Variants in KIF13B observed in about 807,000 individuals in gnomAD.
KIF13B encodes kinesin family member 13B, also known as kinesin-like protein KIF13B.
KIF13B carries 127 observed loss-of-function variants against 222.0 expected under a neutral mutation model. That is an observed-to-expected ratio of 0.57 (90% CI 0.50 to 0.66). KIF13B has a LOEUF of 0.66. KIF13B is among the 30% of genes least tolerant of loss of function. The probability of loss-of-function intolerance (pLI) is 0.00; values close to 1 mark genes in which losing one functional copy is unlikely to be tolerated. For synonymous variants in KIF13B, 976 were observed against 919.0 expected (o/e 1.06, Z -1.12); for missense variants, 2,173 against 2,379.0 (o/e 0.91, Z 1.80).
chr8:29,120,446 T>TG (rs545376927), intron 29 of KIF13B, among the ~76,000 whole-genome samples: 479 of 38,088 alleles, frequency 0.013, 12 homozygotes, highest in African/African-American at 0.049. Context: ...TTTTTGTTCT[T>TG]GCGATAGTTT....
intron 2 of KIF13B, among the ~76,000 whole-genome samples, chr8:29,241,479 A>T (rs1411021061): frequency 6.6e-6 from 1 of 152,190 alleles, no homozygotes; most frequent in Non-Finnish European, 1.5e-5. Flanking sequence ...AACCCCTCAA[A>T]TTGGGGTCTG....
intron 10 of KIF13B, among the ~76,000 whole-genome samples, chr8:29,168,636 C>T (rs1289839589): frequency 6.6e-6 from 1 of 152,160 alleles, no homozygotes; most frequent in Admixed American, 6.5e-5. Context: ...CCCACAGGCA[C>T]GAGTTTGGAA....
chr8:29,250,013 A>G (rs1342679690), intron 1 of KIF13B: 2 of 1,288,536 alleles, frequency 1.6e-6, no homozygotes, highest in African/African-American at 1.5e-5. Context: ...CCAGAGGTCC[A>G]TGAGAGTTTC....
Position 29,158,678 on chromosome 8 carries a change from G to A in KIF13B, c.1404+2055C>T, listed in dbSNP as rs1811640723. Among the ~76,000 whole-genome samples, 2 of 152,202 alleles carry A rather than the reference G, an allele frequency of 1.3e-5. 1 individual carries two copies. The highest frequency in any genetic ancestry group is 4.1e-4 in the South Asian group (2 of 4,836). On this transcript the variant is annotated intron_variant, in intron 13 of 39. Coordinates refer to ENST00000524189, the MANE Select transcript of KIF13B (RefSeq NM_015254.4). ...TCCACCATAAAACTGTTCTTGGACT[G>A]AGATCATCCTTTTGAATGTGCTTTG...
At position 29,134,026 on chromosome 8, in the gene KIF13B, G is replaced by A; in HGVS notation, c.2784+14C>T. 2 of 1,608,446 alleles carry A rather than the reference G, an allele frequency of 1.2e-6. No individual in the cohort carries two copies. Among genetic ancestry groups the A allele is most frequent in the East Asian group, 2.2e-5 (1 of 44,812 alleles). On this transcript the variant is annotated intron_variant, in intron 22 of 39. Transcript: ENST00000524189. ...GTAATCTAAATGCTGACCTACTCTG[G>A]AAAACAAACTCACATTGCAATGATC...
chr8:29,156,845 C>T (rs1233538592), intron 13 of KIF13B, among the ~76,000 whole-genome samples: 3 of 151,934 alleles, frequency 2.0e-5, no homozygotes, highest in African/African-American at 7.3e-5. Flanking sequence ...TTTCTGCCTA[C>T]TCAGCCTACT....
At chr8:29,148,383 A>G (rs970220280) in intron 16 of KIF13B, among the ~76,000 whole-genome samples, 194 bp downstream of exon 16, 8 of 149,570 alleles carry the variant, frequency 5.3e-5, no homozygotes, top group Non-Finnish European at 1.2e-4. Flanking sequence ...AATCATAAAC[A>G]TTTTTAACAC....
Position 29,249,087 on chromosome 8 carries a change from T to C in KIF13B, c.56-3648A>G, listed in dbSNP as rs112765136. Among the ~76,000 whole-genome samples the C allele has an allele frequency of 1.7e-3, 260 of 152,332 alleles. 3 individuals are homozygous for C. The highest frequency in any genetic ancestry group is 5.9e-3 in the African/African-American group (244 of 41,582). ...TCATATTCTTATATTCTTATATTTT[T>C]CTGAACCAAAGTATGAAACTGTTTG... On this transcript the variant is annotated intron_variant, in intron 1 of 39. Coordinates refer to ENST00000524189, the MANE Select transcript of KIF13B (RefSeq NM_015254.4).
At chr8:29,238,279 C>T (rs940556841) in intron 2 of KIF13B, among the ~76,000 whole-genome samples, 1 of 152,194 alleles carries the variant, frequency 6.6e-6, no homozygotes, top group Non-Finnish European at 1.5e-5. Flanking sequence ...AAGGCCCTCC[C>T]CTCAGTAGCA....
chr8:29,107,939 CCAG>C (rs1809169315), intron 35 of KIF13B, among the ~76,000 whole-genome samples, 197 bp downstream of exon 35: 1 of 152,034 alleles, frequency 6.6e-6, no homozygotes, highest in South Asian at 2.1e-4. Context: ...TTTTTCAACC[CCAG>C]TAGTCAGAGT....
At chr8:29,151,509 T>C (rs947459370) in intron 14 of KIF13B, among the ~76,000 whole-genome samples, 6 of 152,236 alleles carry the variant, frequency 3.9e-5, no homozygotes, top group African/African-American at 1.2e-4. Context: ...GGGGCTAATG[T>C]AGCTGGTGAC....
In KIF13B at chr8:29,176,224, T is replaced by C. The variant is rs758988510; in HGVS notation, c.834-45A>G. The C allele has an allele frequency of 2.4e-5, 28 of 1,143,090 alleles. No individual in the cohort carries two copies. The Admixed American group carries it at 5.1e-4, about 21-fold the overall frequency. 70.8% of individuals were successfully genotyped at this position (1,143,090 alleles called of 1,614,324 possible). A position where few individuals can be genotyped will look rare whatever the true frequency, so the allele number is the denominator to read the frequency against. On this transcript the variant is annotated intron_variant, in intron 9 of 39. Coordinates refer to ENST00000524189, the MANE Select transcript of KIF13B (RefSeq NM_015254.4). The stretch of plus-strand genomic sequence containing the variant: ...AAAATAATTACAAAAATGAAATATA[T>C]CAAATGTCACATTTTAGCACAAAGA...
Position 29,071,564 on chromosome 8 carries a change from T to C in KIF13B, c.5218+56A>G. On this transcript the variant is annotated intron_variant, in intron 39 of 39. Transcript: ENST00000524189. The surrounding 1 kb of genome is among the most constrained non-coding windows in gnomAD (Gnocchi z 4.9). The stretch of plus-strand genomic sequence containing the variant: ...CTGTCCCCTCCCAGGCCGGCCACGT[T>C]CCTGCTTCCCCAGACCCCCGGCACC... The C allele has an allele frequency of 6.8e-7, 1 of 1,470,190 alleles. No homozygotes were observed. The highest frequency in any genetic ancestry group is 9.2e-7 in the Non-Finnish European group (1 of 1,084,484). The allele number at this position is 1,470,190 out of a possible 1,614,324, so 91.1% of individuals were successfully genotyped here. A position where few individuals can be genotyped will look rare whatever the true frequency, so the allele number is the denominator to read the frequency against.
intron 29 of KIF13B, among the ~76,000 whole-genome samples, chr8:29,119,356 C>G (rs1311768614): frequency 1.3e-5 from 2 of 152,306 alleles, no homozygotes; most frequent in East Asian, 1.9e-4. Flanking sequence ...AAGGGTGATT[C>G]CAGGCACCTG....
chr8:29,114,555 C>T (rs1809508214), intron 31 of KIF13B, among the ~76,000 whole-genome samples: 1 of 152,056 alleles, frequency 6.6e-6, no homozygotes, highest in South Asian at 2.1e-4. Flanking sequence ...TTTGGTTTTC[C>T]ATTTGTATGG....
At chr8:29,161,307 C>G (rs1052589398) in intron 12 of KIF13B, among the ~76,000 whole-genome samples, 2 of 152,206 alleles carry the variant, frequency 1.3e-5, no homozygotes, top group African/African-American at 4.8e-5. Context: ...GTAAGGATCA[C>G]AAGGCCCTTC....
chr8:29,096,881 T>C (rs766936414), intron 36 of KIF13B, among the ~76,000 whole-genome samples: 1 of 152,084 alleles, frequency 6.6e-6, no homozygotes, highest in Non-Finnish European at 1.5e-5. Flanking sequence ...TTTTGTTTAT[T>C]AACCCAAAAG....
chr8:29,217,699 A>T (rs1195871723), intron 2 of KIF13B, among the ~76,000 whole-genome samples: 2 of 152,208 alleles, frequency 1.3e-5, no homozygotes, highest in African/African-American at 4.8e-5. Flanking sequence ...CAAATGTCTT[A>T]TGTTACTTTT....
At position 29,148,710 on chromosome 8, in the gene KIF13B, G is replaced by A. The variant is rs1811172054; in HGVS notation, c.1680C>T (p.Pro560=). The change falls in exon 16 of 40, where the codon CCC becomes CCT. Residue 560 remains proline (P), a synonymous_variant. Transcript: ENST00000524189. ...KAEREDEDQD[P]SMKNENSSEQ... is the part of the protein sequence containing the mutation. Reference sequence around the variant, plus strand: ...CAGAACTATTCTCGTTCTTCATGGAGGGATCCTGGTCCTCATCCTCTCGTT... The same window carrying A: ...CAGAACTATTCTCGTTCTTCATGGAAGGATCCTGGTCCTCATCCTCTCGTT... 5 of 1,611,202 alleles carry A rather than the reference G, an allele frequency of 3.1e-6. No individual in the cohort carries two copies. The African/African-American group carries it at 4.0e-5, about 13-fold the overall frequency.
Sources: allele counts gnomAD v4.1 joint callset (sites outside exome capture counted in the v4.1 genomes callset), GRCh38; gene constraint gnomAD v4.1.1; non-coding constraint Gnocchi (gnomAD v3.1); transcripts MANE v1.5; gene names NCBI Gene and HGNC (gene_info 2026-07-23, HGNC 2026-07-21).